The following RLF variants were observed in gnomAD, a reference collection of about 807,000 sequenced individuals.
The protein encoded by RLF is zinc finger protein Rlf.
In RLF, 7 loss-of-function variants were observed where a neutral mutation model predicts 162.9. The ratio of observed to expected loss-of-function variants is 0.04; its 90% CI spans 0.02 to 0.08. The LOEUF is 0.08. RLF is among the 10% of genes least tolerant of loss of function. The probability of loss-of-function intolerance (pLI) is 1.00; values close to 1 mark genes in which losing one functional copy is unlikely to be tolerated. For synonymous variants in RLF, 782 were observed against 791.5 expected, an observed-to-expected ratio of 0.99 and a Z score of 0.20; for missense variants, 1,664 against 2,244.7, an observed-to-expected ratio of 0.74 and a Z score of 5.23.
chr1:40,233,700 A>T (rs1643182349), intron 7 of RLF, among the ~76,000 whole-genome samples: 1 of 152,186 alleles, frequency 6.6e-6, no homozygotes, highest in South Asian at 2.1e-4. Flanking sequence ...ATCCTAGCTG[A>T]TACAGGCTAG....
At position 40,237,286 on chromosome 1, in the gene RLF, G is replaced by T. The variant is rs1643228872; in HGVS notation, c.2584G>T (p.Asp862Tyr). The T allele has an allele frequency of 6.2e-7, 1 of 1,614,054 alleles. No individual in the cohort carries two copies. Among genetic ancestry groups the T allele is most frequent in the Non-Finnish European group, 8.5e-7 (1 of 1,179,998 alleles). ...TCAGCCCCATCTACTTAACCAAACT[G>T]ATAAATCACATTTACCTGAAGATCT... The part of the protein sequence containing the change: ...INQPHLLNQT[D>Y]KSHLPEDLFC... The change falls in exon 8 of 8, where the codon GAT becomes TAT. Residue 862 changes from aspartate to tyrosine, a missense_variant. By Grantham distance (160) the Asp-to-Tyr change is radical. Around this residue, in one of 15 missense-constraint regions of RLF, gnomAD observed 295 missense variants for 317.4 expected, o/e 0.93. Coordinates refer to ENST00000372771, the MANE Select transcript of RLF (RefSeq NM_012421.4). The surrounding 1 kb of genome is among the most constrained non-coding windows in gnomAD (Gnocchi z 4.4).
chr1:40,231,030 G>A (rs1643145799), intron 6 of RLF, among the ~76,000 whole-genome samples: 1 of 152,138 alleles, frequency 6.6e-6, no homozygotes, highest in Admixed American at 6.5e-5. Context: ...CCAAACTACA[G>A]GCTCTAAGTA....
At chr1:40,191,628 A>G (rs1216482771) in intron 3 of RLF, among the ~76,000 whole-genome samples, 1 of 152,048 alleles carries the variant, frequency 6.6e-6, no homozygotes, top group Non-Finnish European at 1.5e-5. Context: ...GAGGCAAGAG[A>G]ATCTCTTAAG....
intron 7 of RLF, among the ~76,000 whole-genome samples, chr1:40,235,348 C>G (rs1290359856): frequency 6.6e-6 from 1 of 152,062 alleles, no homozygotes; most frequent in African/African-American, 2.4e-5. Context: ...CCACCGTGCC[C>G]AGCCAAAGAG....
intron 1 of RLF, among the ~76,000 whole-genome samples, chr1:40,172,583 G>A (rs1051925339): frequency 1.6e-4 from 25 of 152,064 alleles, no homozygotes; most frequent in African/African-American, 5.6e-4. Flanking sequence ...TCAGGAGTTC[G>A]AGACCAGCCT....
chr1:40,205,021 G>A (rs752923885), intron 5 of RLF, among the ~76,000 whole-genome samples: 5 of 150,172 alleles, frequency 3.3e-5, no homozygotes, highest in Admixed American at 6.6e-5. Context: ...CCTCACTTCT[G>A]TATTTCAATT....
In RLF at chr1:40,214,918, CAAAAAAA is replaced by C. The variant is rs34756935; in HGVS notation, c.811-7635_811-7629del. ...CACCTGGACAAGAGTGAGCCTGTCT[CAAAAAAA>C]AAAAAAAAAAAAAAAAAAAACTAAA... On this transcript the variant is annotated intron_variant, in intron 5 of 7. Transcript: ENST00000372771. Among the ~76,000 whole-genome samples, 20 of 14,394 alleles carry C rather than the reference CAAAAAAA, an allele frequency of 1.4e-3. 1 individual carries two copies. Among genetic ancestry groups the C allele is most frequent in the East Asian group, 2.8e-3 (1 of 362 alleles). The allele number at this position is 14,394 out of a possible 152,430, so 9.4% of individuals were successfully genotyped here.
intron 4 of RLF, among the ~76,000 whole-genome samples, chr1:40,201,273 A>G (rs991360845): frequency 5.9e-4 from 90 of 151,730 alleles, no homozygotes; most frequent in African/African-American, 2.0e-3. Flanking sequence ...TCTCACCTCT[A>G]TTCTTTAAGT....
intron 7 of RLF, among the ~76,000 whole-genome samples, chr1:40,235,004 T>C (rs1334184018): frequency 6.6e-6 from 1 of 152,042 alleles, no homozygotes; most frequent in Non-Finnish European, 1.5e-5. Flanking sequence ...GAAAGGATCA[T>C]TTATTTTATC....
chr1:40,164,708 T>C (rs1314686461), intron 1 of RLF, among the ~76,000 whole-genome samples: 1 of 152,212 alleles, frequency 6.6e-6, no homozygotes, highest in Non-Finnish European at 1.5e-5. Context: ...TGTCTCTATT[T>C]GTAACACAAA....
chr1:40,202,713 A>G (rs1027172007), intron 5 of RLF, 99 bp downstream of exon 5: 1 of 733,902 alleles, frequency 1.4e-6, no homozygotes, highest in South Asian at 2.3e-5. Flanking sequence ...GAAAACCAAG[A>G]TTCATTTTTT....
intron 6 of RLF, among the ~76,000 whole-genome samples, chr1:40,226,453 C>A (rs1643076596): frequency 6.6e-6 from 1 of 152,148 alleles, no homozygotes; most frequent in Non-Finnish European, 1.5e-5. Flanking sequence ...CCTTTGATTT[C>A]TGTAATGTGC....
At chr1:40,214,700 T>C (rs1642901709) in intron 5 of RLF, among the ~76,000 whole-genome samples, 1 of 151,356 alleles carries the variant, frequency 6.6e-6, no homozygotes, top group Non-Finnish European at 1.5e-5. Context: ...TGGGAGGAGC[T>C]CTTGAGACCA....
intron 1 of RLF, among the ~76,000 whole-genome samples, chr1:40,166,112 A>T (rs1457388702): frequency 6.6e-6 from 1 of 152,036 alleles, no homozygotes; most frequent in African/African-American, 2.4e-5. Context: ...ATTTGTTTCC[A>T]TGTTTGTCTT....
chr1:40,210,641 CAGAA>C (rs1378818862), intron 5 of RLF, among the ~76,000 whole-genome samples: 5 of 152,246 alleles, frequency 3.3e-5, no homozygotes, highest in Non-Finnish European at 5.9e-5. Flanking sequence ...GAAGACTAGA[CAGAA>C]AGAATATGTA....
chr1:40,183,405 A>C (rs1230540617), intron 1 of RLF, among the ~76,000 whole-genome samples: 1 of 152,210 alleles, frequency 6.6e-6, no homozygotes, highest in Admixed American at 6.5e-5. Flanking sequence ...TTTGTGACCC[A>C]CCAGCATTCT....
chr1:40,164,691 C>T (rs1642141672), intron 1 of RLF, among the ~76,000 whole-genome samples: 1 of 152,100 alleles, frequency 6.6e-6, no homozygotes, highest in Non-Finnish European at 1.5e-5. Context: ...TTAAGTTTTA[C>T]AATTGGTGTC....
intron 1 of RLF, among the ~76,000 whole-genome samples, chr1:40,172,605 T>C (rs549210850): frequency 6.6e-6 from 1 of 152,170 alleles, no homozygotes; most frequent in Non-Finnish European, 1.5e-5. Context: ...GCCAACATGG[T>C]GAAACTCTGT....
chr1:40,230,288 A>G (rs1390023668), intron 6 of RLF, among the ~76,000 whole-genome samples: 2 of 152,240 alleles, frequency 1.3e-5, no homozygotes, highest in East Asian at 3.8e-4. Context: ...TAATAGCAAT[A>G]TAGGATATCA....
Sources: allele counts gnomAD v4.1 joint callset (sites outside exome capture counted in the v4.1 genomes callset), GRCh38; gene constraint gnomAD v4.1.1; regional missense constraint gnomAD v4.1.1; non-coding constraint Gnocchi (gnomAD v3.1); transcripts MANE v1.5; gene names NCBI Gene and HGNC (gene_info 2026-07-23, HGNC 2026-07-21).